The following ZDHHC14 variants were observed in gnomAD, a reference collection of about 807,000 sequenced individuals.
The protein encoded by ZDHHC14 is palmitoyltransferase ZDHHC14.
In ZDHHC14, 16 loss-of-function variants were observed where a neutral mutation model predicts 47.7. The observed-to-expected ratio is 0.34, with a 90% CI of 0.23 to 0.51. ZDHHC14 has a LOEUF of 0.51. Among genes scored for constraint, ZDHHC14 ranks in the 20% least tolerant of loss-of-function variants. The probability of loss-of-function intolerance (pLI) is 0.97; values close to 1 mark genes in which losing one functional copy is unlikely to be tolerated. For synonymous variants in ZDHHC14, 293 were observed against 278.9 expected, an observed-to-expected ratio of 1.05 and a Z score of -0.50; for missense variants, 515 against 662.5, an observed-to-expected ratio of 0.78 and a Z score of 2.44.
At chr6:157,648,360 C>A (rs145207900) in intron 7 of ZDHHC14, among the ~76,000 whole-genome samples, 8 of 152,084 alleles carry the variant, frequency 5.3e-5, no homozygotes, top group Non-Finnish European at 1.2e-4. Flanking sequence ...CAGACCTTAC[C>A]GATATGCGCT....
intron 2 of ZDHHC14, among the ~76,000 whole-genome samples, chr6:157,561,820 G>A (rs1467286000): frequency 9.2e-5 from 14 of 152,024 alleles, no homozygotes; most frequent in Non-Finnish European, 1.9e-4. Context: ...CACCACACCC[G>A]GCTATTTTTT....
In ZDHHC14 at chr6:157,518,838, G is replaced by A. The variant is rs944074579; in HGVS notation, c.246-23747G>A. Among the ~76,000 whole-genome samples the A allele has an allele frequency of 2.6e-5, 4 of 152,204 alleles. No individual in the cohort carries two copies. The East Asian group carries it at 5.8e-4, about 22-fold the overall frequency. ...GTTATTTCTCCAGCGCATTCCCAGC[G>A]CATTCTTGTGAGGGGTGTAGTCTTC... On this transcript the variant is annotated intron_variant, in intron 1 of 8. Coordinates refer to ENST00000359775, the MANE Select transcript of ZDHHC14 (RefSeq NM_024630.3).
chr6:157,399,851 A>G (rs1156973908), intron 1 of ZDHHC14, among the ~76,000 whole-genome samples: 12 of 152,244 alleles, frequency 7.9e-5, no homozygotes, highest in Non-Finnish European at 1.8e-4. Context: ...GTGGGCCTGC[A>G]GCAAGGACTG....
chr6:157,481,971 G>C (rs1779641636), intron 1 of ZDHHC14, among the ~76,000 whole-genome samples: 1 of 152,204 alleles, frequency 6.6e-6, no homozygotes, highest in South Asian at 2.1e-4. Flanking sequence ...GGGTGGGGCA[G>C]AGAAGACTTG....
chr6:157,615,480 A>C (rs752380773), intron 3 of ZDHHC14, among the ~76,000 whole-genome samples: 6 of 152,214 alleles, frequency 3.9e-5, no homozygotes, highest in Non-Finnish European at 5.9e-5. Context: ...CATTGTGTGA[A>C]ATGTGTAGAC....
chr6:157,406,288 C>T (rs941252589), intron 1 of ZDHHC14, among the ~76,000 whole-genome samples: 4 of 152,112 alleles, frequency 2.6e-5, no homozygotes, highest in Non-Finnish European at 4.4e-5. Flanking sequence ...ATTTGAAAGT[C>T]GAAGGGATCC....
chr6:157,637,993 TAGGAGAAAGGA>T (rs1777064216), intron 5 of ZDHHC14, among the ~76,000 whole-genome samples: 2 of 152,186 alleles, frequency 1.3e-5, no homozygotes, highest in East Asian at 3.9e-4. Context: ...AGCAGAACTT[TAGGAGAAAGGA>T]ACCGAGTAGC....
intron 1 of ZDHHC14, among the ~76,000 whole-genome samples, chr6:157,506,905 A>ATT (rs35666684): frequency 1.0e-3 from 155 of 150,978 alleles, no homozygotes; most frequent in African/African-American, 3.6e-3. Flanking sequence ...AAGTAGAGTC[A>ATT]TTTTTTTTTT....
rs371663335 is a variant in ZDHHC14, at chr6:157,672,880, C to T, written c.1225C>T (p.Pro409Ser). Residue 409 changes from proline to serine, a missense_variant, in exon 9 of 9, where the codon CCC becomes TCC. By Grantham distance (74) the Pro-to-Ser change is moderately conservative. Transcript: ENST00000359775. ...CTGCGCCAGCCTCACACTGGGCCCG[C>T]CCACACCGCCCGCCTCCATGCCCAA... ...TPCASLTLGP[P>S]TPPASMPNLA... The T allele has an allele frequency of 1.2e-6, 2 of 1,606,850 alleles. No individual in the cohort carries two copies. The highest frequency in any genetic ancestry group is 1.7e-6 in the Non-Finnish European group (2 of 1,177,872).
At position 157,675,358 on chromosome 6, in the gene ZDHHC14, C is replaced by T. The variant is rs1288795612; in HGVS notation, c.*2236C>T. On this transcript the variant is annotated 3_prime_UTR_variant, in exon 9 of 9. Transcript: ENST00000359775. ...GAAAAATTCCCAGAAGCCAGGATCA[C>T]GACTCACTTGTCTTCACATAATGGA... is the stretch of plus-strand genomic sequence containing the variant. The T allele has an allele frequency of 1.3e-5, 2 of 152,202 alleles. No individual in the cohort carries two copies. Among genetic ancestry groups the T allele is most frequent in the Non-Finnish European group, 2.9e-5 (2 of 68,048 alleles). The allele number at this position is 152,202 out of a possible 1,614,324, so 9.4% of individuals were successfully genotyped here.
rs1778973160 is a variant in ZDHHC14 at position 157,676,461 on chromosome 6, C to T, written c.*3339C>T. 1 of 152,524 alleles carries T rather than the reference C, an allele frequency of 6.6e-6. No individual in the cohort carries two copies. The highest frequency in any genetic ancestry group is 1.5e-5 in the Non-Finnish European group (1 of 68,232). The allele number at this position is 152,524 out of a possible 1,614,324, so 9.4% of individuals were successfully genotyped here. On this transcript the variant is annotated 3_prime_UTR_variant, in exon 9 of 9. Coordinates refer to ENST00000359775, the MANE Select transcript of ZDHHC14 (RefSeq NM_024630.3). ...CTTCACCGGCTCTGTCTAGGATTGC[C>T]AGCTGTGGTTCCAAGTGAGGAGCAA... is the stretch of plus-strand genomic sequence containing the variant.
At chr6:157,534,155 T>C (rs1045887870) in intron 1 of ZDHHC14, among the ~76,000 whole-genome samples, 46 of 152,120 alleles carry the variant, frequency 3.0e-4, no homozygotes, top group African/African-American at 1.0e-3. Context: ...AACCTTAGAA[T>C]GCTGTTTAGT....
intron 2 of ZDHHC14, among the ~76,000 whole-genome samples, chr6:157,547,759 A>G (rs1242559571): frequency 6.9e-6 from 1 of 144,992 alleles, no homozygotes; most frequent in Non-Finnish European, 1.5e-5. Flanking sequence ...TATAACTAAG[A>G]TTTTTCACCA....
chr6:157,593,205 C>T, intron 3 of ZDHHC14, 59 bp downstream of exon 3: 1 of 1,542,118 alleles, frequency 6.5e-7, no homozygotes, highest in Non-Finnish European at 8.7e-7. Context: ...GGGTTTGCGC[C>T]TCTCCAACCC....
intron 5 of ZDHHC14, among the ~76,000 whole-genome samples, chr6:157,637,325 G>T (rs1393530453): frequency 6.6e-6 from 1 of 152,264 alleles, no homozygotes. Context: ...GGATCACAGT[G>T]ACTGGGAGTG....
intron 1 of ZDHHC14, among the ~76,000 whole-genome samples, chr6:157,498,777 T>A (rs749144867): frequency 6.6e-6 from 1 of 152,190 alleles, no homozygotes; most frequent in South Asian, 2.1e-4. Flanking sequence ...CAAATTCAGA[T>A]AAAGGTGGTA....
At chr6:157,611,652 T>C (rs903380346) in intron 3 of ZDHHC14, among the ~76,000 whole-genome samples, 8 of 152,078 alleles carry the variant, frequency 5.3e-5, no homozygotes, top group Non-Finnish European at 1.0e-4. Context: ...CAAGGGAGGG[T>C]GGACTCTGGC....
At chr6:157,425,382 T>C (rs548232732) in intron 1 of ZDHHC14, among the ~76,000 whole-genome samples, 77 of 152,350 alleles carry the variant, frequency 5.1e-4, no homozygotes, top group African/African-American at 1.9e-3. Context: ...GGTTTTTAGC[T>C]GTATAGGCAT....
rs143072119 is a variant in ZDHHC14 at position 157,621,945 on chromosome 6, C to G, written c.566-6404C>G. ...CTAAGCTCAGGATGGGGCCAGTGTC[C>G]TAACCTTTCTGACTGATTTCCTCCG... On this transcript the variant is annotated intron_variant, in intron 3 of 8. Transcript: ENST00000359775. Among the ~76,000 whole-genome samples, 508 of 152,278 alleles carry G rather than the reference C, an allele frequency of 3.3e-3. 1 individual carries two copies. The highest frequency in any genetic ancestry group is 0.012 in the African/African-American group (490 of 41,552).
Sources: gnomAD v4.1 joint callset for allele counts (sites outside exome capture counted in the v4.1 genomes callset) on GRCh38, gnomAD v4.1.1 for gene constraint, MANE v1.5 for transcripts, NCBI Gene and HGNC (gene_info 2026-07-23, HGNC 2026-07-21) for gene names.